DNAH9: variants seen among roughly 807,000 people sequenced by gnomAD.
The protein encoded by DNAH9 is DNAH9 variant protein.
A neutral mutation model predicts 471.6 loss-of-function variants in DNAH9; 345 were observed. The observed-to-expected ratio is 0.73, with a 90% CI of 0.67 to 0.80. The LOEUF (loss-of-function observed/expected upper bound fraction) is 0.80, where lower values mean the gene tolerates loss of function less well. DNAH9 is among the 30% of genes least tolerant of loss of function. DNAH9 has a pLI of 0.00. For synonymous variants in DNAH9, 2,093 were observed against 2,123.6 expected (o/e 0.99, Z 0.40); for missense variants, 5,407 against 5,609.2 (o/e 0.96, Z 1.15).
intron 17 of DNAH9, among the ~76,000 whole-genome samples, chr17:11,676,158 T>G (rs962405737): frequency 2.0e-5 from 3 of 152,108 alleles, no homozygotes; most frequent in Admixed American, 6.5e-5. Flanking sequence ...AGTCATATTT[T>G]CTAGGAATGT....
In DNAH9 at chr17:11,840,746, GT is replaced by G. The variant is rs373322248; in HGVS notation, c.9507+5849del. On this transcript the variant is annotated intron_variant, in intron 49 of 68. Coordinates refer to ENST00000262442, the MANE Select transcript of DNAH9 (RefSeq NM_001372.4). ...AGAGAAAAAAGGTCGGGAGAAGGAAGTGACGTGATGACAGAGGGAGAGGGAA... is the reference window on the plus strand; with the variant it reads ...AGAGAAAAAAGGTCGGGAGAAGGAAGGACGTGATGACAGAGGGAGAGGGAA... 6.6e-4 allele frequency among the ~76,000 whole-genome samples: 100 copies of G among 152,290 alleles called. 1 individual carries two copies. Among genetic ancestry groups the G allele is most frequent in the African/African-American group, 2.2e-3 (93 of 41,568 alleles).
intron 63 of DNAH9, among the ~76,000 whole-genome samples, chr17:11,931,705 T>C (rs1336969006): frequency 1.3e-5 from 2 of 152,146 alleles, no homozygotes; most frequent in Admixed American, 1.3e-4. Flanking sequence ...CCCCGGTACA[T>C]AACATTCTTA....
chr17:11,770,670 G>A (rs1421234888), intron 38 of DNAH9, among the ~76,000 whole-genome samples: 1 of 152,186 alleles, frequency 6.6e-6, no homozygotes, highest in South Asian at 2.1e-4. Flanking sequence ...AAGCAACAAA[G>A]ATTTACATCA....
intron 61 of DNAH9, among the ~76,000 whole-genome samples, chr17:11,907,504 A>T (rs1973648693): frequency 6.6e-6 from 1 of 151,568 alleles, no homozygotes; most frequent in African/African-American, 2.4e-5. Flanking sequence ...AAAAGAAAGG[A>T]GGGTGTAATG....
chr17:11,900,445 T>C (rs1973369604), intron 59 of DNAH9, among the ~76,000 whole-genome samples: 1 of 137,812 alleles, frequency 7.3e-6, no homozygotes, highest in African/African-American at 2.6e-5. Context: ...CGCTGCTTCC[T>C]GTCAGGCCCC....
At position 11,757,712 on chromosome 17, in the gene DNAH9, AG is replaced by A; in HGVS notation, c.6995+21del. ...AACCAGGTAGGCCAAGAAACAAGGA[AG>A]ATAGAGAGTTAAAGCAGCAATAAAA... On this transcript the variant is annotated intron_variant, in intron 35 of 68. Transcript: ENST00000262442. 1 of 1,612,768 alleles carries A rather than the reference AG, an allele frequency of 6.2e-7. No individual in the cohort carries two copies. Among genetic ancestry groups the A allele is most frequent in the Non-Finnish European group, 8.5e-7 (1 of 1,179,694 alleles).
chr17:11,963,070 G>A (rs1050423320), intron 68 of DNAH9, among the ~76,000 whole-genome samples: 1 of 152,134 alleles, frequency 6.6e-6, no homozygotes, highest in Non-Finnish European at 1.5e-5. Context: ...GGTCTTTGCA[G>A]ATGTAATTAG....
chr17:11,839,517 A>C (rs1016509914), intron 49 of DNAH9, among the ~76,000 whole-genome samples: 1 of 146,968 alleles, frequency 6.8e-6, no homozygotes, highest in Non-Finnish European at 1.5e-5. Context: ...CTCTGTCTCA[A>C]AAAAAAAAAA....
chr17:11,660,324 T>TC (rs893855198), intron 14 of DNAH9, among the ~76,000 whole-genome samples: 1 of 115,972 alleles, frequency 8.6e-6, no homozygotes, highest in Non-Finnish European at 2.0e-5. Flanking sequence ...TGTTTCTTTT[T>TC]TTTTTTTTTT....
rs1567809172 is a variant in DNAH9 at position 11,797,750 on chromosome 17, A to T, written c.8377A>T (p.Thr2793Ser). ...CTTGGAGAACCACAATGAAGTCAAC[A>T]CAGTGATGGACCTAGTTCTCTTTGA... ...EALENHNEVN[T>S]VMDLVLFEDA... The change falls in exon 43 of 69, where the codon ACA becomes TCA. Residue 2793 changes from threonine to serine, a missense_variant. Thr to Ser is a moderately conservative substitution (Grantham distance 58). This residue lies in a region of DNAH9 where 4,636 missense variants were observed against 4,900.3 expected (regional missense o/e 0.95). Transcript: ENST00000262442. 6.2e-7 allele frequency: 1 copy of T among 1,614,200 alleles called. No homozygotes were observed. The highest frequency in any genetic ancestry group is 1.7e-5 in the Admixed American group (1 of 60,022).
intron 22 of DNAH9, among the ~76,000 whole-genome samples, chr17:11,694,915 A>T: frequency 7.9e-6 from 1 of 126,568 alleles, no homozygotes; most frequent in African/African-American, 3.0e-5. Context: ...TTTCAGATGG[A>T]TTCTTGCTCT....
At chr17:11,919,643 T>C (rs923244691) in intron 61 of DNAH9, among the ~76,000 whole-genome samples, 5 of 152,108 alleles carry the variant, frequency 3.3e-5, no homozygotes, top group Admixed American at 3.3e-4. Flanking sequence ...ATGGTGCCAA[T>C]TCACCAAACA....
In DNAH9 at chr17:11,814,731, G is replaced by C. The variant is rs905368943; in HGVS notation, c.8707+4362G>C. On this transcript the variant is annotated intron_variant, in intron 45 of 68. Transcript: ENST00000262442. ...TATCTGTGGGCCAAATCTCCTCTTAGGATCTAGAACATAAAAAGATCCACC... is the reference window on the plus strand; with the variant it reads ...TATCTGTGGGCCAAATCTCCTCTTACGATCTAGAACATAAAAAGATCCACC... 3.3e-5 allele frequency among the ~76,000 whole-genome samples: 5 copies of C among 152,138 alleles called. No individual in the cohort carries two copies. In the South Asian group the frequency reaches 1.0e-3, roughly 32 times the overall value.
intron 41 of DNAH9, among the ~76,000 whole-genome samples, chr17:11,790,232 TTGTC>T (rs1969015770): frequency 6.6e-6 from 1 of 152,092 alleles, no homozygotes; most frequent in Non-Finnish European, 1.5e-5. Flanking sequence ...CTAGATTTAT[TTGTC>T]TGCTTGTTCC....
intron 27 of DNAH9, among the ~76,000 whole-genome samples, chr17:11,725,887 T>C (rs190073404): frequency 3.9e-5 from 6 of 152,074 alleles, no homozygotes; most frequent in Non-Finnish European, 7.4e-5. Context: ...ACAAAAAAAA[T>C]TAAAGTCTGC....
chr17:11,895,510 A>G (rs56128529), intron 59 of DNAH9, among the ~76,000 whole-genome samples: 23,180 of 152,184 alleles, frequency 0.15, 1,804 homozygotes, highest in East Asian at 0.19. Context: ...ACAACAATTC[A>G]TATGCAGTTT....
At chr17:11,836,835 G>A (rs1405487358) in intron 49 of DNAH9, among the ~76,000 whole-genome samples, 5 of 152,262 alleles carry the variant, frequency 3.3e-5, no homozygotes, top group South Asian at 2.1e-4. Flanking sequence ...GAAGACAAAC[G>A]TCTTTCATAA....
At chr17:11,936,811 G>T (rs969519606) in intron 65 of DNAH9, among the ~76,000 whole-genome samples, 6 of 152,110 alleles carry the variant, frequency 3.9e-5, no homozygotes, top group African/African-American at 1.2e-4. Context: ...TTCACCAGGG[G>T]CGCAAACTCT....
At chr17:11,737,760 C>T (rs187792620) in intron 28 of DNAH9, among the ~76,000 whole-genome samples, 1 of 152,260 alleles carries the variant, frequency 6.6e-6, no homozygotes, top group East Asian at 1.9e-4. Context: ...GTCTGATTTT[C>T]TAAAGAAAAA....
Sources: allele counts gnomAD v4.1 joint callset (sites outside exome capture counted in the v4.1 genomes callset), GRCh38; gene constraint gnomAD v4.1.1; regional missense constraint gnomAD v4.1.1; transcripts MANE v1.5; gene names NCBI Gene and HGNC (gene_info 2026-07-23, HGNC 2026-07-21).